Variants in SLC10A7 observed in about 807,000 individuals in gnomAD.
The protein encoded by SLC10A7 is solute carrier family 10 member 7.
A neutral mutation model predicts 43.2 loss-of-function variants in SLC10A7; 29 were observed. That is an observed-to-expected ratio of 0.67 (90% CI 0.50 to 0.92). The LOEUF (loss-of-function observed/expected upper bound fraction) is 0.92, where lower values mean the gene tolerates loss of function less well. Among genes scored for constraint, SLC10A7 ranks in the 40% least tolerant of loss-of-function variants. SLC10A7 has a pLI of 0.00. For synonymous variants in SLC10A7, 152 were observed against 144.8 expected (o/e 1.05, Z -0.35); for missense variants, 295 against 403.2 (o/e 0.73, Z 2.30).
At chr4:146,340,052 C>T (rs576097867) in intron 5 of SLC10A7, among the ~76,000 whole-genome samples, 1 of 151,786 alleles carries the variant, frequency 6.6e-6, no homozygotes, top group South Asian at 2.1e-4. Flanking sequence ...GCTTCTTTCC[C>T]TATCTACCTC....
chr4:146,460,208 G>A (rs1396045687), intron 4 of SLC10A7, among the ~76,000 whole-genome samples: 1 of 151,988 alleles, frequency 6.6e-6, no homozygotes, highest in African/African-American at 2.4e-5. Flanking sequence ...TGGTGAGGAT[G>A]TGGACCAATG....
intron 4 of SLC10A7, among the ~76,000 whole-genome samples, chr4:146,498,203 C>T (rs1012267446): frequency 3.9e-5 from 6 of 151,946 alleles, no homozygotes; most frequent in South Asian, 2.1e-4. Flanking sequence ...CTGCAACCTC[C>T]GCGCCCCGGG....
chr4:146,402,179 A>C (rs6826676), intron 5 of SLC10A7, among the ~76,000 whole-genome samples: 35,955 of 152,066 alleles, frequency 0.24, 4,657 homozygotes, highest in African/African-American at 0.34. Flanking sequence ...GGAAAGATAC[A>C]TATGTGTATA....
intron 5 of SLC10A7, among the ~76,000 whole-genome samples, chr4:146,346,650 A>G (rs1168479833): frequency 1.3e-5 from 2 of 152,150 alleles, no homozygotes; most frequent in Admixed American, 6.6e-5. Flanking sequence ...TGGTCATTTG[A>G]AATTACAAAA....
At chr4:146,405,262 C>T (rs1727584463) in intron 5 of SLC10A7, among the ~76,000 whole-genome samples, 1 of 152,126 alleles carries the variant, frequency 6.6e-6, no homozygotes, top group East Asian at 1.9e-4. Flanking sequence ...CCATACCATT[C>T]ATGATTTGAT....
intron 4 of SLC10A7, among the ~76,000 whole-genome samples, chr4:146,502,357 A>G (rs904494258): frequency 2.0e-5 from 3 of 152,232 alleles, no homozygotes; most frequent in African/African-American, 7.2e-5. Flanking sequence ...ATTTATTTAA[A>G]AGTTAAACAT....
intron 4 of SLC10A7, among the ~76,000 whole-genome samples, chr4:146,445,722 G>A (rs72729882): frequency 0.1 from 15,961 of 152,048 alleles, 884 homozygotes; most frequent in South Asian, 0.12. Flanking sequence ...GTTGAGCGGT[G>A]GAAGTGGCTT....
intron 4 of SLC10A7, among the ~76,000 whole-genome samples, chr4:146,470,581 G>A (rs1434435533): frequency 6.6e-6 from 1 of 152,054 alleles, no homozygotes; most frequent in African/African-American, 2.4e-5. Flanking sequence ...TTTTTGGAAA[G>A]AAGTCTTTTT....
chr4:146,348,352 C>T (rs59937090), intron 5 of SLC10A7, among the ~76,000 whole-genome samples: 10,463 of 152,128 alleles, frequency 0.069, 441 homozygotes, highest in South Asian at 0.18. Context: ...ACAGCAAAAG[C>T]TTTCACTGGG....
At chr4:146,449,466 G>A (rs932279022) in intron 4 of SLC10A7, among the ~76,000 whole-genome samples, 1 of 152,086 alleles carries the variant, frequency 6.6e-6, no homozygotes, top group African/African-American at 2.4e-5. Flanking sequence ...GGTTGGAAGT[G>A]TATTCTGAAC....
intron 7 of SLC10A7, among the ~76,000 whole-genome samples, chr4:146,296,325 C>T (rs186830529): frequency 7.0e-4 from 106 of 152,140 alleles, no homozygotes; most frequent in Non-Finnish European, 1.3e-3. Context: ...TTTTAATCTG[C>T]AGGTGGTTGA....
rs977464389 is a variant in SLC10A7, at chr4:146,441,685, T to A, written c.435+1098A>T. 1.1e-5 allele frequency: 11 copies of A among 985,016 alleles called. No homozygotes were observed. In the African/African-American group the frequency reaches 1.9e-4, roughly 17 times the overall value. 61.0% of individuals were successfully genotyped at this position (985,016 alleles called of 1,614,324 possible). ...GATTATTTTTGTTAAACAGACTTTA[T>A]TGTCTAAAACCCAGAAGTAATACAG... On this transcript the variant is annotated intron_variant, in intron 5 of 11. Coordinates refer to ENST00000335472, the MANE Select transcript of SLC10A7 (RefSeq NM_001029998.6).
chr4:146,341,747 C>G (rs1008607734), intron 5 of SLC10A7, among the ~76,000 whole-genome samples: 5 of 151,742 alleles, frequency 3.3e-5, no homozygotes, highest in African/African-American at 1.2e-4. Context: ...GTAAAGCCTT[C>G]TAAAAAGACA....
intron 5 of SLC10A7, among the ~76,000 whole-genome samples, chr4:146,410,986 C>G (rs188747397): frequency 1.1e-4 from 17 of 151,990 alleles, no homozygotes; most frequent in Non-Finnish European, 2.4e-4. Context: ...TGAGCCACCA[C>G]GCCTGGCTAA....
chr4:146,385,128 C>T (rs1243677264), intron 5 of SLC10A7, among the ~76,000 whole-genome samples: 1 of 151,984 alleles, frequency 6.6e-6, no homozygotes, highest in Admixed American at 6.6e-5. Context: ...GTTGCCAAGT[C>T]TAGTTGATTT....
intron 4 of SLC10A7, among the ~76,000 whole-genome samples, chr4:146,494,257 C>T (rs1313685130): frequency 2.6e-5 from 4 of 152,190 alleles, no homozygotes; most frequent in East Asian, 1.9e-4. Context: ...ACGTTAGTAA[C>T]GGTAAAAGCA....
intron 5 of SLC10A7, among the ~76,000 whole-genome samples, chr4:146,406,316 G>C (rs980637454): frequency 1.3e-5 from 2 of 152,078 alleles, no homozygotes; most frequent in South Asian, 4.1e-4. Context: ...AGGAACTCTT[G>C]GCTCTAGAGC....
intron 4 of SLC10A7, among the ~76,000 whole-genome samples, chr4:146,445,918 C>A (rs947660696): frequency 6.8e-6 from 1 of 147,480 alleles, no homozygotes; most frequent in African/African-American, 2.6e-5. Context: ...TGTGTGTGCA[C>A]GTGCGCACGC....
intron 7 of SLC10A7, among the ~76,000 whole-genome samples, chr4:146,295,553 A>G (rs1730724930): frequency 1.3e-5 from 2 of 152,138 alleles, no homozygotes; most frequent in African/African-American, 4.8e-5. Flanking sequence ...GTCACACAGC[A>G]TTATGTACTG....
Sources: allele counts gnomAD v4.1 joint callset (sites outside exome capture counted in the v4.1 genomes callset), GRCh38; gene constraint gnomAD v4.1.1; transcripts MANE v1.5; gene names NCBI Gene and HGNC (gene_info 2026-07-23, HGNC 2026-07-21).